Variants in ABCA1 observed in about 807,000 individuals in gnomAD.
ABCA1 encodes the protein phospholipid-transporting ATPase ABCA1.
In ABCA1, 133 loss-of-function variants were observed where a neutral mutation model predicts 262.5. The ratio of observed to expected loss-of-function variants is 0.51; its 90% confidence interval spans 0.44 to 0.59. The LOEUF is 0.59. Among genes scored for constraint, ABCA1 ranks in the 20% least tolerant of loss-of-function variants. The probability of loss-of-function intolerance (pLI) is 0.00; values close to 1 mark genes in which losing one functional copy is unlikely to be tolerated. For missense variants in ABCA1, 2,452 were observed against 2,777.5 expected, an observed-to-expected ratio of 0.88 and a Z score of 2.63; for synonymous variants, 1,022 against 1,043.5, an observed-to-expected ratio of 0.98 and a Z score of 0.40.
At chr9:104,926,307 T>C (rs1826318777) in intron 1 of ABCA1, among the ~76,000 whole-genome samples, 1 of 152,144 alleles carries the variant, frequency 6.6e-6, no homozygotes, top group African/African-American at 2.4e-5. Context: ...CTTTTTTCTT[T>C]GTTTATTTTT....
In ABCA1 at chr9:104,810,989, A is replaced by G. The variant is rs1831230851; in HGVS notation, c.4051-65T>C. On this transcript the variant is annotated intron_variant, in intron 28 of 49. Transcript: ENST00000374736. Reference sequence around the variant, plus strand: ...AACGGCAAGTGTTAGAAACAAGGCCAAGGGGCAAATCCCTACGAGTCCAGC... The same window carrying G: ...AACGGCAAGTGTTAGAAACAAGGCCGAGGGGCAAATCCCTACGAGTCCAGC... 5.0e-6 allele frequency: 8 copies of G among 1,610,838 alleles called. No individual in the cohort carries two copies. In the Admixed American group the frequency reaches 5.0e-5, roughly 10 times the overall value.
Position 104,892,954 on chromosome 9 carries a change from A to G in ABCA1, c.67-3759T>C, listed in dbSNP as rs143517393. 2.4e-3 allele frequency among the ~76,000 whole-genome samples: 370 copies of G among 152,358 alleles called. 2 individuals are homozygous for G. The highest frequency in any genetic ancestry group is 0.018 in the South Asian group (89 of 4,828). ...CTCAACAATATATCATGCCATCATC[A>G]GAATAATGTTTATGAAACACAGAAA... On this transcript the variant is annotated intron_variant, in intron 2 of 49. Coordinates refer to ENST00000374736, the MANE Select transcript of ABCA1 (RefSeq NM_005502.4).
chr9:104,895,449 T>C (rs945130334), intron 2 of ABCA1, among the ~76,000 whole-genome samples: 1 of 152,060 alleles, frequency 6.6e-6, no homozygotes, highest in Non-Finnish European at 1.5e-5. Flanking sequence ...AGCACATACA[T>C]TCCCAGGATT....
chr9:104,796,205 GAC>G lies in ABCA1; in HGVS notation c.5238-10_5238-9del, dbSNP rs1303428488. ...AGAGGTGTGATTGACCACCTGTTGA[GAC>G]ACAAAAAGATAAGTGTCTACTGAGA... On this transcript the variant is annotated splice_polypyrimidine_tract_variant and intron_variant, in intron 38 of 49. Transcript: ENST00000374736. 3 of 1,614,004 alleles carry G rather than the reference GAC, an allele frequency of 1.9e-6. No individual in the cohort carries two copies. Among genetic ancestry groups the G allele is most frequent in the Non-Finnish European group, 2.5e-6 (3 of 1,180,026 alleles).
Position 104,903,650 on chromosome 9 carries a change from C to G in ABCA1, c.30G>C (p.Leu10=). The G allele has an allele frequency of 6.3e-7, 1 of 1,588,654 alleles. No homozygotes were observed. The highest frequency in any genetic ancestry group is 8.6e-7 in the Non-Finnish European group (1 of 1,167,004). The change falls in exon 2 of 50, where the codon CTG becomes CTC. Residue 10 remains leucine (L), a synonymous_variant. Coordinates refer to ENST00000374736, the MANE Select transcript of ABCA1 (RefSeq NM_005502.4). MACWPQLRL[L]LWKNLTFRRR... ...TTCTGAAAGTGAGGTTCTTCCACAGCAGCAACCTCAGCTGAGGCCAACAAG... is the reference window on the plus strand; with the variant it reads ...TTCTGAAAGTGAGGTTCTTCCACAGGAGCAACCTCAGCTGAGGCCAACAAG...
At chr9:104,876,132 C>T (rs760712099) in intron 5 of ABCA1, among the ~76,000 whole-genome samples, 2 of 152,172 alleles carry the variant, frequency 1.3e-5, no homozygotes, top group East Asian at 1.9e-4. Flanking sequence ...CACAGCCCTG[C>T]CCACACCACT....
Position 104,874,932 on chromosome 9 carries a change from C to T in ABCA1, c.421+8107G>A, listed in dbSNP as rs564385510. Among the ~76,000 whole-genome samples, 621 of 151,416 alleles carry T rather than the reference C, an allele frequency of 4.1e-3. 12 individuals are homozygous for T. Among genetic ancestry groups the T allele is most frequent in the African/African-American group, 0.014 (575 of 41,276 alleles). ...GAGGTGGGGGGCGCCTCTGCCCGGC[C>T]GCCCCTTCTGGGAAGTGAGGAGCCC... On this transcript the variant is annotated intron_variant, in intron 5 of 49. Coordinates refer to ENST00000374736, the MANE Select transcript of ABCA1 (RefSeq NM_005502.4).
intron 3 of ABCA1, among the ~76,000 whole-genome samples, chr9:104,885,341 C>A (rs1208846016): frequency 6.6e-6 from 1 of 152,194 alleles, no homozygotes; most frequent in Non-Finnish European, 1.5e-5. Flanking sequence ...TGGTCCCAAT[C>A]CAAGCCTCTT....
chr9:104,924,141 A>G (rs1215560115), intron 1 of ABCA1, among the ~76,000 whole-genome samples: 2 of 152,240 alleles, frequency 1.3e-5, no homozygotes, highest in African/African-American at 2.4e-5. Flanking sequence ...AACTTTGGCC[A>G]TTCATGGTTG....
intron 3 of ABCA1, among the ~76,000 whole-genome samples, chr9:104,888,302 T>C (rs1251495396): frequency 6.6e-6 from 1 of 152,036 alleles, no homozygotes; most frequent in Non-Finnish European, 1.5e-5. Context: ...ACTAGGGCAG[T>C]GAAACTGAAG....
intron 1 of ABCA1, among the ~76,000 whole-genome samples, chr9:104,907,874 T>C (rs1841267382): frequency 6.6e-6 from 1 of 152,214 alleles, no homozygotes; most frequent in Admixed American, 6.5e-5. Flanking sequence ...GGATCACTCC[T>C]TGCCAAAATG....
Position 104,786,519 on chromosome 9 carries a change from G to T in ABCA1, c.6309-129C>A, listed in dbSNP as rs181590116. The T allele has an allele frequency of 3.1e-5, 26 of 843,412 alleles. No individual in the cohort carries two copies. In the East Asian group the frequency reaches 6.5e-4, roughly 21 times the overall value. The allele number at this position is 843,412 out of a possible 1,614,324, so 52.2% of individuals were successfully genotyped here. A position where few individuals can be genotyped will look rare whatever the true frequency, so the allele number is the denominator to read the frequency against. On this transcript the variant is annotated intron_variant, in intron 47 of 49. Coordinates refer to ENST00000374736, the MANE Select transcript of ABCA1 (RefSeq NM_005502.4). ...TGTTACAAGTACATGTGGATATAGG[G>T]ATGATGCTGTTCAGTGTAGTGGTGT...
rs2118827894 is a variant in ABCA1, at chr9:104,783,976, A to G, written c.*339T>C. On this transcript the variant is annotated 3_prime_UTR_variant, in exon 50 of 50. Coordinates refer to ENST00000374736, the MANE Select transcript of ABCA1 (RefSeq NM_005502.4). ...TTGATGAATTATTGTTGCAACCCCAATGAGAATACACAGGAACAAAAAAAA... is the reference window on the plus strand; with the variant it reads ...TTGATGAATTATTGTTGCAACCCCAGTGAGAATACACAGGAACAAAAAAAA... 4.5e-6 allele frequency: 1 copy of G among 222,158 alleles called. No individual in the cohort carries two copies. Among genetic ancestry groups the G allele is most frequent in the South Asian group, 8.3e-5 (1 of 12,006 alleles). The allele number at this position is 222,158 out of a possible 1,614,324, so 13.8% of individuals were successfully genotyped here.
chr9:104,858,290 T>G (rs1313814180), intron 7 of ABCA1, among the ~76,000 whole-genome samples: 3 of 152,128 alleles, frequency 2.0e-5, no homozygotes, highest in African/African-American at 7.2e-5. Flanking sequence ...ACAAAAAACT[T>G]TTGGCTTAAA....
chr9:104,811,013 G>C (rs1361441126), intron 28 of ABCA1, 89 bp from the exon 29 acceptor site: 2 of 1,589,238 alleles, frequency 1.3e-6, no homozygotes, highest in East Asian at 4.5e-5. Flanking sequence ...TACGAGTCCA[G>C]CCCACCTCCC....
chr9:104,838,349 C>T lies in ABCA1; in HGVS notation c.1055-782G>A, dbSNP rs374607319. On this transcript the variant is annotated intron_variant, in intron 9 of 49. Coordinates refer to ENST00000374736, the MANE Select transcript of ABCA1 (RefSeq NM_005502.4). ...TCTCAACAGGGCGCAGTGGTTCACG[C>T]CTGTAATCCCAGCACTTTGGGAGGC... Among the ~76,000 whole-genome samples, 14 of 151,242 alleles carry T rather than the reference C, an allele frequency of 9.3e-5. No homozygotes were observed. The East Asian group carries it at 2.7e-3, about 30-fold the overall frequency.
intron 42 of ABCA1, 57 bp from the exon 43 acceptor site, chr9:104,792,055 G>T: frequency 2.0e-6 from 3 of 1,516,620 alleles, no homozygotes; most frequent in Non-Finnish European, 2.7e-6. Flanking sequence ...GCTCTCCCAA[G>T]CAACTGTGGA....
Position 104,786,370 on chromosome 9 carries a change from A to G in ABCA1, c.6329T>C (p.Leu2110Pro). The change falls in exon 48 of 50, where the codon CTT (leucine) becomes CCT (proline). Residue 2110 changes from leucine (L) to proline (P), a missense_variant. Leu to Pro is a moderately conservative substitution (Grantham distance 98). Coordinates refer to ENST00000374736, the MANE Select transcript of ABCA1 (RefSeq NM_005502.4). ...GACCATGATTGCCATCCTAGTGCAA[A>G]GAGCTTCACATTCTTCCATACTGCG... ...TSHSMEECEA[L>P]CTRMAIMVNG... 1.9e-6 allele frequency: 3 copies of G among 1,614,112 alleles called. No homozygotes were observed. Among genetic ancestry groups the G allele is most frequent in the Non-Finnish European group, 2.5e-6 (3 of 1,179,992 alleles).
chr9:104,837,157 G>C (rs1833893566), intron 10 of ABCA1, 61 bp from the exon 11 acceptor site: 8 of 1,388,692 alleles, frequency 5.8e-6, no homozygotes, highest in Admixed American at 3.4e-5. Flanking sequence ...GACAATGAGC[G>C]TTTGGCTCCT....
Sources: allele counts gnomAD v4.1 joint callset (sites outside exome capture counted in the v4.1 genomes callset), GRCh38; gene constraint gnomAD v4.1.1; transcripts MANE v1.5; gene names NCBI Gene and HGNC (gene_info 2026-07-23, HGNC 2026-07-21).